The following RASA1 variants were observed in gnomAD, a reference collection of about 807,000 sequenced individuals.
RASA1 encodes ras GTPase-activating protein 1.
In RASA1, 25 loss-of-function variants were observed where a neutral mutation model predicts 132.2. That is an observed-to-expected ratio of 0.19 (90% CI 0.14 to 0.26). The LOEUF is 0.26. Among genes scored for constraint, RASA1 ranks in the 10% least tolerant of loss-of-function variants. RASA1 has a pLI of 1.00. For synonymous variants in RASA1, 477 were observed against 449.9 expected (o/e 1.06, Z -0.76); for missense variants, 964 against 1,299.2 (o/e 0.74, Z 3.97).
intron 1 of RASA1, among the ~76,000 whole-genome samples, chr5:87,283,759 T>TC (rs1296223115): frequency 1.3e-5 from 2 of 152,144 alleles, no homozygotes; most frequent in African/African-American, 4.8e-5. Flanking sequence ...ATTTAACTAC[T>TC]ATGCTACATT....
At position 87,374,826 on chromosome 5, in the gene RASA1, C is replaced by A; in HGVS notation, c.1935-14C>A. The A allele has an allele frequency of 1.9e-6, 3 of 1,607,672 alleles. No homozygotes were observed. The highest frequency in any genetic ancestry group is 2.2e-5 in the South Asian group (2 of 90,828). On this transcript the variant is annotated splice_polypyrimidine_tract_variant and intron_variant, in intron 14 of 24. Transcript: ENST00000274376. ...AAAACATTTTGTTAATTCTTTTTCT[C>A]CTTGCTCCTTTAGTGATCTTCCTCC...
intron 1 of RASA1, among the ~76,000 whole-genome samples, chr5:87,313,989 G>A (rs1756123079): frequency 6.6e-6 from 1 of 152,038 alleles, no homozygotes; most frequent in Non-Finnish European, 1.5e-5. Flanking sequence ...CCAACATGGA[G>A]AAACCCTGTC....
chr5:87,313,517 A>G (rs1756081146), intron 1 of RASA1, among the ~76,000 whole-genome samples: 1 of 152,200 alleles, frequency 6.6e-6, no homozygotes, highest in African/African-American at 2.4e-5. Flanking sequence ...ACTTTTTGAC[A>G]GATTTGTTTT....
At chr5:87,273,230 T>C (rs944986801) in intron 1 of RASA1, among the ~76,000 whole-genome samples, 21 of 152,242 alleles carry the variant, frequency 1.4e-4, no homozygotes, top group African/African-American at 3.4e-4. Flanking sequence ...TTTTTATTAC[T>C]GAGCATTTTC....
At chr5:87,369,716 T>C in intron 11 of RASA1, 97 bp from the exon 12 acceptor site, 1 of 800,746 alleles carries the variant, frequency 1.2e-6, no homozygotes, top group East Asian at 2.7e-5. Context: ...AATTATAATT[T>C]TATGTTAATT....
chr5:87,361,835 A>G (rs1760118601), intron 9 of RASA1, among the ~76,000 whole-genome samples: 1 of 151,512 alleles, frequency 6.6e-6, no homozygotes, highest in African/African-American at 2.4e-5. Context: ...TATGTTGCTT[A>G]GTTTTATACA....
At chr5:87,283,920 TAC>T (rs1306068786) in intron 1 of RASA1, among the ~76,000 whole-genome samples, 1 of 152,162 alleles carries the variant, frequency 6.6e-6, no homozygotes, top group Non-Finnish European at 1.5e-5. Context: ...GATATTCATG[TAC>T]TTGCATGCAT....
At chr5:87,333,421 G>A (rs572514618) in intron 4 of RASA1, 84 bp downstream of exon 4, 1 of 1,562,492 alleles carries the variant, frequency 6.4e-7, no homozygotes, top group Admixed American at 1.9e-5. Context: ...GGAAGCTTTT[G>A]AAATTTGAAG....
chr5:87,271,522 G>A (rs1169217898), intron 1 of RASA1, among the ~76,000 whole-genome samples: 1 of 125,784 alleles, frequency 8.0e-6, no homozygotes. Context: ...AGGCTGGAGT[G>A]AAGTGGCGTG....
intron 9 of RASA1, among the ~76,000 whole-genome samples, chr5:87,355,618 T>A (rs1229168257): frequency 6.6e-6 from 1 of 152,204 alleles, no homozygotes; most frequent in East Asian, 1.9e-4. Context: ...CTGCAGCCCA[T>A]GGATCAAGGA....
chr5:87,273,011 G>T (rs1034888562), intron 1 of RASA1, among the ~76,000 whole-genome samples: 11 of 152,184 alleles, frequency 7.2e-5, no homozygotes, highest in Non-Finnish European at 1.5e-4. Flanking sequence ...TATTAAGGGG[G>T]TTTAGGTCAC....
At chr5:87,385,602 C>T (rs546116529) in intron 22 of RASA1, among the ~76,000 whole-genome samples, 2 of 152,088 alleles carry the variant, frequency 1.3e-5, no homozygotes, top group South Asian at 2.1e-4. Context: ...TTATAGAAAA[C>T]GAATTTTTCA....
At chr5:87,352,213 C>G (rs1759326180) in intron 8 of RASA1, among the ~76,000 whole-genome samples, 1 of 151,564 alleles carries the variant, frequency 6.6e-6, no homozygotes, top group South Asian at 2.1e-4. Context: ...TACTAGTTAA[C>G]TTTTCAGGTC....
At chr5:87,375,398 C>T (rs1256473771) in intron 15 of RASA1, among the ~76,000 whole-genome samples, 1 of 151,900 alleles carries the variant, frequency 6.6e-6, no homozygotes, top group Admixed American at 6.6e-5. Context: ...GTATCTGGGA[C>T]TACAGGCGCC....
In RASA1 at chr5:87,267,994, T is replaced by TGCAGTGGCCCCAGCCTCA. The variant is rs1290448796; in HGVS notation, c.-453_-436dup. 3.0e-5 allele frequency: 9 copies of TGCAGTGGCCCCAGCCTCA among 302,674 alleles called. No homozygotes were observed. Among genetic ancestry groups the TGCAGTGGCCCCAGCCTCA allele is most frequent in the African/African-American group, 2.0e-4 (9 of 44,770 alleles). 18.7% of individuals were successfully genotyped at this position (302,674 alleles called of 1,614,324 possible). Reference sequence around the variant, plus strand: ...TCTGCCTGGTGGAGGATGAAGCGGCTGCAGTGGCCCCAGCCTCAGCAGCGG... The same window carrying TGCAGTGGCCCCAGCCTCA: ...TCTGCCTGGTGGAGGATGAAGCGGCTGCAGTGGCCCCAGCCTCAGCAGTGGCCCCAGCCTCAGCAGCGG... On this transcript the variant is annotated 5_prime_UTR_variant, in exon 1 of 25. Transcript: ENST00000274376.
At chr5:87,348,948 C>G (rs907463347) in intron 7 of RASA1, among the ~76,000 whole-genome samples, 3 of 151,672 alleles carry the variant, frequency 2.0e-5, no homozygotes, top group Non-Finnish European at 4.4e-5. Context: ...TATTACTGAC[C>G]AGAAGTTACT....
At chr5:87,335,716 G>A (rs1042191241) in intron 4 of RASA1, among the ~76,000 whole-genome samples, 5 of 152,188 alleles carry the variant, frequency 3.3e-5, no homozygotes, top group Non-Finnish European at 7.3e-5. Context: ...ATGAGCCATC[G>A]TGGCTGGCCA....
At chr5:87,302,701 C>T (rs191442146) in intron 1 of RASA1, among the ~76,000 whole-genome samples, 6 of 150,230 alleles carry the variant, frequency 4.0e-5, no homozygotes, top group Non-Finnish European at 8.9e-5. Context: ...ACTTAAAGAA[C>T]CCCAGAATAT....
intron 1 of RASA1, among the ~76,000 whole-genome samples, chr5:87,271,289 AAAT>A (rs1753820018): frequency 6.6e-6 from 1 of 152,100 alleles, no homozygotes; most frequent in Non-Finnish European, 1.5e-5. Context: ...CTTTTGAAAA[AAAT>A]AGTTCAATTT....
Sources: allele counts gnomAD v4.1 joint callset (sites outside exome capture counted in the v4.1 genomes callset), GRCh38; gene constraint gnomAD v4.1.1; transcripts MANE v1.5; gene names NCBI Gene and HGNC (gene_info 2026-07-23, HGNC 2026-07-21).